The following MACROD2 variants were observed in gnomAD, a reference collection of about 807,000 sequenced individuals.
MACROD2 encodes ADP-ribose glycohydrolase MACROD2.
In MACROD2, 36 loss-of-function variants were observed where a neutral mutation model predicts 70.4. That is an observed-to-expected ratio of 0.51 (90% confidence interval 0.39 to 0.68). The LOEUF (loss-of-function observed/expected upper bound fraction) is 0.68, where lower values mean the gene tolerates loss of function less well. MACROD2 is among the 30% of genes least tolerant of loss of function. MACROD2 has a pLI of 0.00. For synonymous variants in MACROD2, 172 were observed against 178.8 expected, an observed-to-expected ratio of 0.96 and a Z score of 0.30; for missense variants, 496 against 538.4, an observed-to-expected ratio of 0.92 and a Z score of 0.78.
intron 8 of MACROD2, among the ~76,000 whole-genome samples, chr20:15,540,445 G>T (rs565800765): frequency 6.6e-6 from 1 of 152,144 alleles, no homozygotes; most frequent in Non-Finnish European, 1.5e-5. Flanking sequence ...CCAAGGAAGA[G>T]ACTCTTGTAG....
intron 5 of MACROD2, among the ~76,000 whole-genome samples, chr20:14,954,254 T>C (rs2074499440): frequency 6.6e-6 from 1 of 151,778 alleles, no homozygotes; most frequent in Non-Finnish European, 1.5e-5. Context: ...CTTTTTGGTT[T>C]AAATGCTAAA....
chr20:14,380,447 G>A (rs1452795978), intron 3 of MACROD2, among the ~76,000 whole-genome samples: 1 of 151,030 alleles, frequency 6.6e-6, no homozygotes, highest in Non-Finnish European at 1.5e-5. Flanking sequence ...TTTCTTTTTT[G>A]TGTGTGCTTT....
chr20:14,526,090 A>G (rs549737939), intron 4 of MACROD2, among the ~76,000 whole-genome samples: 10 of 152,348 alleles, frequency 6.6e-5, no homozygotes, highest in African/African-American at 2.4e-4. Context: ...GGCCCAGAGT[A>G]CAATGAACTT....
At chr20:15,528,892 C>T (rs1369973115) in intron 8 of MACROD2, among the ~76,000 whole-genome samples, 1 of 152,150 alleles carries the variant, frequency 6.6e-6, no homozygotes, top group East Asian at 1.9e-4. Flanking sequence ...GCTACCAATA[C>T]AGCATTCTCT....
chr20:15,957,971 G>C (rs1288372376), intron 12 of MACROD2, among the ~76,000 whole-genome samples: 7 of 152,172 alleles, frequency 4.6e-5, no homozygotes, highest in Admixed American at 3.3e-4. Flanking sequence ...TTGCAATGGT[G>C]CTTTATCAGA....
At chr20:15,980,576 A>G (rs1200062338) in intron 13 of MACROD2, among the ~76,000 whole-genome samples, 2 of 152,196 alleles carry the variant, frequency 1.3e-5, no homozygotes, top group Non-Finnish European at 2.9e-5. Context: ...CTCCTATTAT[A>G]AGAGTTTTAA....
chr20:15,516,165 T>C (rs1568861691), intron 8 of MACROD2, among the ~76,000 whole-genome samples: 1 of 152,192 alleles, frequency 6.6e-6, no homozygotes, highest in African/African-American at 2.4e-5. Context: ...TTTTCTCTCT[T>C]TTTTTAGTCC....
At position 15,935,703 on chromosome 20, in the gene MACROD2, T is replaced by G. The variant is rs1295184492; in HGVS notation, c.839-1773T>G. On this transcript the variant is annotated intron_variant, in intron 11 of 17. Coordinates refer to ENST00000684519, the MANE Select transcript of MACROD2 (RefSeq NM_001351661.2). ...TTAACAAATACATATCAAGGGTTCA[T>G]TGTGTCATAGGCACCATTCCAGGCA... 4.6e-5 allele frequency among the ~76,000 whole-genome samples: 7 copies of G among 152,206 alleles called. No individual in the cohort carries two copies. In the East Asian group the frequency reaches 1.3e-3, roughly 29 times the overall value.
intron 15 of MACROD2, among the ~76,000 whole-genome samples, chr20:16,012,190 G>T (rs12625102): frequency 2.0e-5 from 3 of 152,090 alleles, no homozygotes; most frequent in Non-Finnish European, 2.9e-5. Context: ...TGGGCACAAA[G>T]CCCCTTCTCA....
chr20:15,818,839 A>G (rs2063904983), intron 8 of MACROD2, among the ~76,000 whole-genome samples: 1 of 152,026 alleles, frequency 6.6e-6, no homozygotes, highest in South Asian at 2.1e-4. Context: ...GCAATTGTTA[A>G]CTTGTTTGTT....
At chr20:15,970,934 G>A (rs941330079) in intron 13 of MACROD2, among the ~76,000 whole-genome samples, 2 of 152,176 alleles carry the variant, frequency 1.3e-5, no homozygotes, top group African/African-American at 4.8e-5. Context: ...CCCCAGTAGA[G>A]CTTAAAAGTG....
intron 6 of MACROD2, among the ~76,000 whole-genome samples, chr20:15,289,741 A>G (rs2146104644): frequency 6.6e-6 from 1 of 152,362 alleles, no homozygotes; most frequent in Middle Eastern, 3.4e-3. Context: ...ATGGGCATGT[A>G]GAGGATCATT....
At chr20:15,424,005 A>G (rs6110599) in intron 6 of MACROD2, among the ~76,000 whole-genome samples, 51,131 of 151,906 alleles carry the variant, frequency 0.34, 8,931 homozygotes, top group South Asian at 0.39. Flanking sequence ...GTATTCTCAC[A>G]TGGTGGAAAG....
intron 4 of MACROD2, among the ~76,000 whole-genome samples, chr20:14,543,434 T>A (rs2085456724): frequency 6.6e-6 from 1 of 152,218 alleles, no homozygotes; most frequent in Non-Finnish European, 1.5e-5. Flanking sequence ...ATGAATTAAT[T>A]TTAACTGGTT....
At chr20:15,953,955 G>T (rs183192155) in intron 12 of MACROD2, among the ~76,000 whole-genome samples, 1 of 152,206 alleles carries the variant, frequency 6.6e-6, no homozygotes, top group Non-Finnish European at 1.5e-5. Flanking sequence ...TCTTGTGGCA[G>T]AAAACTAATT....
At chr20:15,721,978 A>G (rs1600806865) in intron 8 of MACROD2, among the ~76,000 whole-genome samples, 1 of 152,306 alleles carries the variant, frequency 6.6e-6, no homozygotes, top group African/African-American at 2.4e-5. Context: ...TATATAAATG[A>G]AATCATATTA....
In MACROD2 at chr20:14,561,697, A is replaced by G. The variant is rs566106541; in HGVS notation, c.301+68189A>G. Among the ~76,000 whole-genome samples the G allele has an allele frequency of 7.2e-5, 11 of 152,012 alleles. 1 individual carries two copies. Among genetic ancestry groups the G allele is most frequent in the African/African-American group, 2.6e-4 (11 of 41,538 alleles). ...TGCATTCATGAAGAAGAAACACCAC[A>G]ACAATTTAAACACATAAAATACTTC... On this transcript the variant is annotated intron_variant, in intron 4 of 17. Coordinates refer to ENST00000684519, the MANE Select transcript of MACROD2 (RefSeq NM_001351661.2).
intron 5 of MACROD2, among the ~76,000 whole-genome samples, chr20:15,002,485 G>A (rs1027364481): frequency 6.6e-5 from 10 of 152,028 alleles, no homozygotes; most frequent in Non-Finnish European, 1.3e-4. Context: ...TGTAGAACAT[G>A]TTCCCTTATT....
chr20:14,230,580 A>C (rs1393237122), intron 3 of MACROD2, among the ~76,000 whole-genome samples: 2 of 144,382 alleles, frequency 1.4e-5, no homozygotes, highest in East Asian at 4.2e-4. Context: ...TGAAGCCCTC[A>C]AATTCATCCA....
Sources: gnomAD v4.1 joint callset for allele counts (sites outside exome capture counted in the v4.1 genomes callset) on GRCh38, gnomAD v4.1.1 for gene constraint, MANE v1.5 for transcripts, NCBI Gene and HGNC (gene_info 2026-07-23, HGNC 2026-07-21) for gene names.